The following CACNA1C variants were observed in gnomAD, a reference collection of about 807,000 sequenced individuals.
The protein encoded by CACNA1C is calcium voltage-gated channel subunit alpha1 C, also known as voltage-dependent L-type calcium channel subunit alpha-1C.
A neutral mutation model predicts 229.0 loss-of-function variants in CACNA1C; 30 were observed. That is an observed-to-expected ratio of 0.13 (90% CI 0.10 to 0.18). The LOEUF is 0.18. Among genes scored for constraint, CACNA1C ranks in the 10% least tolerant of loss-of-function variants. CACNA1C has a pLI of 1.00. For synonymous variants in CACNA1C, 1,114 were observed against 1,132.5 expected, an observed-to-expected ratio of 0.98 and a Z score of 0.33; for missense variants, 1,658 against 2,845.0, an observed-to-expected ratio of 0.58 and a Z score of 9.49.
intron 10 of CACNA1C, among the ~76,000 whole-genome samples, chr12:2,554,715 A>G (rs933699612): frequency 6.6e-6 from 1 of 152,154 alleles, no homozygotes; most frequent in Non-Finnish European, 1.5e-5. Flanking sequence ...AGGTCCTATC[A>G]TTAACGCCAA....
intron 1 of CACNA1C, among the ~76,000 whole-genome samples, chr12:1,973,342 C>A (rs2033158132): frequency 6.6e-6 from 1 of 152,112 alleles, no homozygotes; most frequent in Non-Finnish European, 1.5e-5. Flanking sequence ...TTGGGGGAAA[C>A]AGTAGAAACA....
At chr12:2,288,735 G>T (rs1257144622) in intron 3 of CACNA1C, 1 of 152,216 alleles carries the variant, frequency 6.6e-6, no homozygotes, top group Non-Finnish European at 1.5e-5. Context: ...TAATCACCCT[G>T]CTGCGGGATG....
At position 2,619,007 on chromosome 12, in the gene CACNA1C, T is replaced by C. The variant is rs1305966039; in HGVS notation, c.3828+6994T>C. Reference sequence around the variant, plus strand: ...CACTTCTGTATGATGCAGTAATTTTTGTGAAGTTTTAATTTTTACAAAGCA... The same window carrying C: ...CACTTCTGTATGATGCAGTAATTTTCGTGAAGTTTTAATTTTTACAAAGCA... On this transcript the variant is annotated intron_variant, in intron 29 of 46. Coordinates refer to ENST00000399655, the MANE Select transcript of CACNA1C (RefSeq NM_000719.7). 2.6e-5 allele frequency among the ~76,000 whole-genome samples: 4 copies of C among 152,204 alleles called. No individual in the cohort carries two copies. The South Asian group carries it at 8.3e-4, about 31-fold the overall frequency.
intron 9 of CACNA1C, among the ~76,000 whole-genome samples, chr12:2,530,848 T>G (rs1294836786): frequency 2.0e-5 from 3 of 152,178 alleles, no homozygotes; most frequent in African/African-American, 7.2e-5. Flanking sequence ...GAGAAGCTGA[T>G]GGCCCCAGAG....
At chr12:2,426,315 G>T (rs1309118949) in intron 3 of CACNA1C, among the ~76,000 whole-genome samples, 1 of 152,200 alleles carries the variant, frequency 6.6e-6, no homozygotes, top group Non-Finnish European at 1.5e-5. Flanking sequence ...AGAAATAATT[G>T]ACAACAGTGT....
intron 3 of CACNA1C, among the ~76,000 whole-genome samples, chr12:2,139,429 C>A (rs576823481): frequency 1.7e-4 from 26 of 151,364 alleles, no homozygotes; most frequent in South Asian, 1.3e-3. Context: ...GCAGCTCTCA[C>A]CAGCAGCGAG....
At chr12:1,979,612 C>G (rs116283324) in intron 1 of CACNA1C, among the ~76,000 whole-genome samples, 3,139 of 152,330 alleles carry the variant, frequency 0.021, 98 homozygotes, top group African/African-American at 0.071. Context: ...GTGCCCAGCC[C>G]ATTTCTCTTA....
intron 3 of CACNA1C, among the ~76,000 whole-genome samples, chr12:2,322,594 C>T (rs1380927938): frequency 6.6e-6 from 1 of 152,210 alleles, no homozygotes; most frequent in Non-Finnish European, 1.5e-5. Context: ...CCTTAGTGGA[C>T]TGTCCAGGCT....
At chr12:2,623,666 ACCT>A (rs975443894) in intron 29 of CACNA1C, among the ~76,000 whole-genome samples, 12 of 151,736 alleles carry the variant, frequency 7.9e-5, no homozygotes, top group African/African-American at 2.9e-4. Flanking sequence ...ATCCACACTG[ACCT>A]CCTTCCAAAT....
chr12:2,109,522 G>A (rs1469652195), intron 1 of CACNA1C, among the ~76,000 whole-genome samples: 2 of 152,232 alleles, frequency 1.3e-5, no homozygotes, highest in Non-Finnish European at 2.9e-5. Context: ...ATTGGACCGG[G>A]CCCAGAGGGG....
chr12:2,356,600 C>T (rs2097370196), intron 3 of CACNA1C, among the ~76,000 whole-genome samples: 1 of 152,230 alleles, frequency 6.6e-6, no homozygotes, highest in African/African-American at 2.4e-5. Flanking sequence ...TTTGTGTGAG[C>T]ACTCTGGTGA....
intron 1 of CACNA1C, among the ~76,000 whole-genome samples, chr12:2,057,846 G>A (rs1034281247): frequency 9.9e-5 from 15 of 152,216 alleles, no homozygotes; most frequent in Non-Finnish European, 2.2e-4. Flanking sequence ...AGTGGAGCAT[G>A]GGGTGACCTG....
At chr12:2,402,459 C>T in intron 3 of CACNA1C, among the ~76,000 whole-genome samples, 1 of 152,228 alleles carries the variant, frequency 6.6e-6, no homozygotes, top group East Asian at 1.9e-4. Flanking sequence ...GGAGGTGGCA[C>T]TGCAGGCGGT....
chr12:2,577,500 A>G (rs1600787129), intron 13 of CACNA1C, among the ~76,000 whole-genome samples: 1 of 152,366 alleles, frequency 6.6e-6, no homozygotes, highest in Middle Eastern at 3.4e-3. Context: ...ACAGTCAGGA[A>G]TCTCAGAAAA....
At chr12:2,648,604 G>C in intron 31 of CACNA1C, 97 bp downstream of exon 31, 1 of 1,033,224 alleles carries the variant, frequency 9.7e-7, no homozygotes, top group Non-Finnish European at 1.5e-6. Context: ...TGGGAGCCCT[G>C]CCTGGCTCTC....
intron 3 of CACNA1C, among the ~76,000 whole-genome samples, chr12:2,201,355 C>T (rs1241694731): frequency 6.6e-6 from 1 of 152,200 alleles, no homozygotes; most frequent in Non-Finnish European, 1.5e-5. Flanking sequence ...GGTTATAAAG[C>T]CCTAAAACGC....
At chr12:2,406,168 T>C (rs2098735221) in intron 3 of CACNA1C, among the ~76,000 whole-genome samples, 1 of 152,226 alleles carries the variant, frequency 6.6e-6, no homozygotes. Flanking sequence ...ACATTTCCCT[T>C]GCACTACTCT....
chr12:2,016,946 G>C (rs921179295), intron 1 of CACNA1C, among the ~76,000 whole-genome samples: 6 of 152,200 alleles, frequency 3.9e-5, no homozygotes, highest in Non-Finnish European at 7.3e-5. Context: ...TGGTTTAGAA[G>C]CTTCCTGTTC....
intron 1 of CACNA1C, among the ~76,000 whole-genome samples, chr12:2,078,342 A>G (rs1350632322): frequency 6.6e-6 from 1 of 152,178 alleles, no homozygotes; most frequent in East Asian, 1.9e-4. Flanking sequence ...AGTCTATGGT[A>G]TTTTGCTATG....
Sources: gnomAD v4.1 joint callset for allele counts (sites outside exome capture counted in the v4.1 genomes callset) on GRCh38, gnomAD v4.1.1 for gene constraint, MANE v1.5 for transcripts, NCBI Gene and HGNC (gene_info 2026-07-23, HGNC 2026-07-21) for gene names.